The following SRPK1 variants were observed in gnomAD, a reference collection of about 807,000 sequenced individuals.
SRPK1 encodes the protein SFRS protein kinase 1.
SRPK1 carries 52 observed loss-of-function variants against 89.5 expected under a neutral mutation model. The observed-to-expected ratio is 0.58, with a 90% confidence interval of 0.46 to 0.73. SRPK1 has a LOEUF of 0.73. Among genes scored for constraint, SRPK1 ranks in the 30% least tolerant of loss-of-function variants. The pLI, the probability that SRPK1 is intolerant of heterozygous loss-of-function variation, is 0.00. For missense variants in SRPK1, 603 were observed against 780.6 expected, an observed-to-expected ratio of 0.77 and a Z score of 2.71; for synonymous variants, 255 against 270.2, an observed-to-expected ratio of 0.94 and a Z score of 0.55.
rs533102545 is a variant in SRPK1 at position 35,873,193 on chromosome 6, G to C, written c.586-465C>G. On this transcript the variant is annotated intron_variant, in intron 7 of 15. Transcript: ENST00000373825. ...TTGAAGTATTAATATTTTCCTGATG[G>C]TAAAATCTATACTGTATATTGAAGG... Among the ~76,000 whole-genome samples the C allele has an allele frequency of 2.6e-5, 4 of 152,212 alleles. No homozygotes were observed. The East Asian group carries it at 7.7e-4, about 29-fold the overall frequency.
At chr6:35,916,138 C>T (rs966371612) in intron 2 of SRPK1, among the ~76,000 whole-genome samples, 18 of 151,434 alleles carry the variant, frequency 1.2e-4, no homozygotes, top group African/African-American at 3.9e-4. Context: ...ACAGGAGAAT[C>T]GCTTGAACCC....
At chr6:35,837,912 A>G (rs1018892514) in intron 15 of SRPK1, among the ~76,000 whole-genome samples, 1 of 144,876 alleles carries the variant, frequency 6.9e-6, no homozygotes, top group Non-Finnish European at 1.5e-5. Context: ...CTTGTTGCCC[A>G]GGCTGGAGGG....
intron 2 of SRPK1, among the ~76,000 whole-genome samples, chr6:35,918,741 T>C (rs556179083): frequency 1.3e-5 from 2 of 152,306 alleles, no homozygotes; most frequent in African/African-American, 4.8e-5. Context: ...AAGTTATCCA[T>C]AGTAGTGAAT....
At position 35,920,275 on chromosome 6, in the gene SRPK1, C is replaced by G. The variant is rs747868736; in HGVS notation, c.74+193G>C. 6.0e-6 allele frequency: 4 copies of G among 672,054 alleles called. No homozygotes were observed. In the African/African-American group the frequency reaches 7.2e-5, roughly 12 times the overall value. 41.6% of individuals were successfully genotyped at this position (672,054 alleles called of 1,614,324 possible). A position where few individuals can be genotyped will look rare whatever the true frequency, so the allele number is the denominator to read the frequency against. On this transcript the variant is annotated intron_variant, in intron 2 of 15. Transcript: ENST00000373825. Reference sequence around the variant, plus strand: ...TCCAGCAGGCCCGGGGCTGCTAAGACCCAGGCCTGGCGTTGAGCAACAGCA... The same window carrying G: ...TCCAGCAGGCCCGGGGCTGCTAAGAGCCAGGCCTGGCGTTGAGCAACAGCA...
chr6:35,858,359 T>C (rs1040319926), intron 12 of SRPK1, among the ~76,000 whole-genome samples: 1 of 151,976 alleles, frequency 6.6e-6, no homozygotes, highest in East Asian at 1.9e-4. Flanking sequence ...AAAATTAAGA[T>C]GCAAAACCAA....
intron 12 of SRPK1, among the ~76,000 whole-genome samples, chr6:35,864,773 A>G (rs1486961901): frequency 6.6e-6 from 1 of 152,238 alleles, no homozygotes; most frequent in Non-Finnish European, 1.5e-5. Context: ...ACAATATTTA[A>G]GATTTGGAAG....
intron 6 of SRPK1, among the ~76,000 whole-genome samples, chr6:35,875,922 G>A (rs1347580354): frequency 6.6e-6 from 1 of 151,898 alleles, no homozygotes; most frequent in Non-Finnish European, 1.5e-5. Flanking sequence ...CACACCATGT[G>A]CCTTCTAATG....
At chr6:35,856,511 T>C (rs1769669685) in intron 13 of SRPK1, among the ~76,000 whole-genome samples, 1 of 152,158 alleles carries the variant, frequency 6.6e-6, no homozygotes, top group Admixed American at 6.5e-5. Flanking sequence ...CTATGAAGTC[T>C]GTGATAACTC....
chr6:35,841,362 T>C (rs1049181352), intron 14 of SRPK1, among the ~76,000 whole-genome samples: 14 of 152,208 alleles, frequency 9.2e-5, no homozygotes, highest in African/African-American at 3.1e-4. Flanking sequence ...AGACCACATT[T>C]TGAGAAACAA....
chr6:35,908,508 G>A (rs563739265), intron 2 of SRPK1, among the ~76,000 whole-genome samples: 41 of 152,294 alleles, frequency 2.7e-4, no homozygotes, highest in Admixed American at 2.3e-3. Context: ...AGGGTATTTG[G>A]CAGAAGAAAT....
At chr6:35,862,365 A>C (rs1220557542) in intron 12 of SRPK1, among the ~76,000 whole-genome samples, 1 of 151,830 alleles carries the variant, frequency 6.6e-6, no homozygotes, top group Non-Finnish European at 1.5e-5. Context: ...CACAACCTAA[A>C]CTGTACCCTA....
chr6:35,900,198 A>G (rs1162217077), intron 2 of SRPK1, among the ~76,000 whole-genome samples: 1 of 152,076 alleles, frequency 6.6e-6, no homozygotes, highest in African/African-American at 2.4e-5. Context: ...AAAACTCTGA[A>G]CAAACTGTTA....
At chr6:35,850,915 G>T (rs1388768961) in intron 13 of SRPK1, among the ~76,000 whole-genome samples, 2 of 152,146 alleles carry the variant, frequency 1.3e-5, no homozygotes, top group Non-Finnish European at 2.9e-5. Flanking sequence ...AAGGTCCAAG[G>T]TAAGTATGAG....
intron 6 of SRPK1, 142 bp downstream of exon 6, chr6:35,886,582 T>G: frequency 1.6e-6 from 1 of 625,470 alleles, no homozygotes; most frequent in Non-Finnish European, 2.8e-6. Flanking sequence ...AATTCAGATG[T>G]GTGTTCAGAA....
At chr6:35,885,053 G>A (rs1193035832) in intron 6 of SRPK1, among the ~76,000 whole-genome samples, 2 of 152,074 alleles carry the variant, frequency 1.3e-5, no homozygotes, top group African/African-American at 4.8e-5. Flanking sequence ...TCTTTGCTTA[G>A]TTAGGGTCAA....
intron 15 of SRPK1, among the ~76,000 whole-genome samples, chr6:35,836,009 A>C (rs1454021574): frequency 2.0e-5 from 3 of 152,164 alleles, no homozygotes; most frequent in Admixed American, 2.0e-4. Context: ...CAGATACAAC[A>C]GCTTCATATA....
chr6:35,884,064 G>A (rs1770353627), intron 6 of SRPK1, among the ~76,000 whole-genome samples: 1 of 151,880 alleles, frequency 6.6e-6, no homozygotes, highest in African/African-American at 2.4e-5. Flanking sequence ...AAATCTAATG[G>A]GGAGACAGTG....
At chr6:35,835,575 G>T in intron 15 of SRPK1, 87 bp from the exon 16 acceptor site, 1 of 1,281,318 alleles carries the variant, frequency 7.8e-7, no homozygotes, top group Non-Finnish European at 1.1e-6. Context: ...ACTAACCCAT[G>T]TAGTCTATGA....
intron 12 of SRPK1, among the ~76,000 whole-genome samples, chr6:35,859,837 G>C (rs1769742451): frequency 6.6e-6 from 1 of 151,924 alleles, no homozygotes; most frequent in Non-Finnish European, 1.5e-5. Context: ...TGCTGAATGA[G>C]TGAATGGCTG....
Sources: allele counts gnomAD v4.1 joint callset (sites outside exome capture counted in the v4.1 genomes callset), GRCh38; gene constraint gnomAD v4.1.1; transcripts MANE v1.5; gene names NCBI Gene and HGNC (gene_info 2026-07-23, HGNC 2026-07-21).